The following NTM variants were observed in gnomAD, a reference collection of about 807,000 sequenced individuals.
NTM encodes the protein neurotrimin, also known as IgLON family member 2.
Under a neutral mutation model 42.1 loss-of-function variants are expected in NTM, and 13 were observed. The observed-to-expected ratio is 0.31, with a 90% CI of 0.20 to 0.49. The LOEUF (loss-of-function observed/expected upper bound fraction) is 0.49. Among genes scored for constraint, NTM ranks in the 20% least tolerant of loss-of-function variants. NTM has a pLI of 0.99. For missense variants in NTM, 373 were observed against 452.8 expected (o/e 0.82, Z 1.60); for synonymous variants, 187 against 179.2 (o/e 1.04, Z -0.35).
intron 4 of NTM, among the ~76,000 whole-genome samples, chr11:132,265,697 T>A (rs181304497): frequency 1.2e-4 from 18 of 152,332 alleles, no homozygotes; most frequent in African/African-American, 4.3e-4. Context: ...GTGATGGTGA[T>A]GATGACACCA....
At position 131,763,709 on chromosome 11, in the gene NTM, C is replaced by T. The variant is rs974403429; in HGVS notation, c.83-147855C>T. On this transcript the variant is annotated intron_variant, in intron 1 of 8. Coordinates refer to ENST00000683400, the MANE Select transcript of NTM (RefSeq NM_001352005.2). ...CTTATCCACAGGCCCATCTCTCTCT[C>T]TTTTTTTTTTTTTTTTTTTTTTTTT... Among the ~76,000 whole-genome samples the T allele has an allele frequency of 9.0e-3, 640 of 71,186 alleles. 27 individuals are homozygous for T. The highest frequency in any genetic ancestry group is 0.029 in the African/African-American group (509 of 17,760). The allele number at this position is 71,186 out of a possible 152,430, so 46.7% of individuals were successfully genotyped here. A position where few individuals can be genotyped will look rare whatever the true frequency, so the allele number is the denominator to read the frequency against.
At chr11:132,231,958 C>A (rs1419143454) in intron 4 of NTM, among the ~76,000 whole-genome samples, 1 of 152,146 alleles carries the variant, frequency 6.6e-6, no homozygotes, top group African/African-American at 2.4e-5. Flanking sequence ...GGGAGGAGAC[C>A]CGTCTGCTGT....
At chr11:132,118,774 T>C (rs2064269703) in intron 2 of NTM, among the ~76,000 whole-genome samples, 1 of 152,202 alleles carries the variant, frequency 6.6e-6, no homozygotes, top group African/African-American at 2.4e-5. Context: ...CAGATTGGTA[T>C]GCATTAGGCT....
intron 1 of NTM, among the ~76,000 whole-genome samples, chr11:131,564,445 G>GGA (rs1378401652): frequency 8.0e-6 from 1 of 125,718 alleles, no homozygotes; most frequent in East Asian, 2.8e-4. Flanking sequence ...GTGGGTAGGG[G>GGA]GAGAGAGAGA....
chr11:131,676,401 G>T (rs1182727718), intron 1 of NTM, among the ~76,000 whole-genome samples: 2 of 152,214 alleles, frequency 1.3e-5, no homozygotes, highest in Non-Finnish European at 2.9e-5. Context: ...GTGAAGGGCT[G>T]CGTTGGAGTT....
intron 1 of NTM, among the ~76,000 whole-genome samples, chr11:131,900,580 G>A (rs1441671346): frequency 6.6e-6 from 1 of 152,148 alleles, no homozygotes; most frequent in Non-Finnish European, 1.5e-5. Context: ...GGCAGTGGAG[G>A]TTGAGAAAGG....
At chr11:132,054,459 A>G (rs2079312229) in intron 2 of NTM, among the ~76,000 whole-genome samples, 2 of 152,358 alleles carry the variant, frequency 1.3e-5, no homozygotes, top group Admixed American at 6.5e-5. Context: ...AGTCCTATTC[A>G]GTGAAAATAG....
chr11:131,545,950 A>G (rs2053882431), intron 1 of NTM, among the ~76,000 whole-genome samples: 1 of 152,190 alleles, frequency 6.6e-6, no homozygotes, highest in Non-Finnish European at 1.5e-5. Flanking sequence ...GACTTTGTTC[A>G]TCAGAACCCA....
At chr11:132,122,505 T>C (rs7944414) in intron 2 of NTM, among the ~76,000 whole-genome samples, 20,968 of 152,196 alleles carry the variant, frequency 0.14, 1,519 homozygotes, top group Middle Eastern at 0.18. Flanking sequence ...GTGAGTTTTT[T>C]AAGGATGCCT....
intron 2 of NTM, among the ~76,000 whole-genome samples, chr11:132,015,982 C>T (rs1057170161): frequency 1.3e-5 from 2 of 151,840 alleles, no homozygotes; most frequent in Non-Finnish European, 1.5e-5. Flanking sequence ...AAGTGGGTAT[C>T]CTAGTCTTGT....
intron 1 of NTM, among the ~76,000 whole-genome samples, chr11:131,882,598 G>T (rs1363256217): frequency 6.6e-6 from 1 of 152,190 alleles, no homozygotes; most frequent in Non-Finnish European, 1.5e-5. Context: ...GCTAAATACT[G>T]CTCTCTTTAC....
chr11:131,744,282 G>A (rs1051375135), intron 1 of NTM, among the ~76,000 whole-genome samples: 19 of 152,038 alleles, frequency 1.2e-4, no homozygotes, highest in African/African-American at 4.6e-4. Flanking sequence ...ACATCTAAAG[G>A]GACTGAATAA....
rs1300535037 is a variant in NTM at position 131,508,104 on chromosome 11, C to A, written c.82+137216C>A. On this transcript the variant is annotated intron_variant, in intron 1 of 8. Transcript: ENST00000683400. ...ACCATCAGAGTGAACAGGCAACCTACAAAATGGGAGAAAATTTTCGCAACC... is the reference window on the plus strand; with the variant it reads ...ACCATCAGAGTGAACAGGCAACCTAAAAAATGGGAGAAAATTTTCGCAACC... Among the ~76,000 whole-genome samples the A allele has an allele frequency of 4.8e-5, 7 of 147,204 alleles. 1 individual carries two copies. Among genetic ancestry groups the A allele is most frequent in the Admixed American group, 2.7e-4 (4 of 14,682 alleles).
In NTM at chr11:132,335,879, G is replaced by A. The variant is rs1317344987; in HGVS notation, c.*733G>A. 1 of 152,536 alleles carries A rather than the reference G, an allele frequency of 6.6e-6. No homozygotes were observed. The highest frequency in any genetic ancestry group is 1.5e-5 in the Non-Finnish European group (1 of 68,042). The allele number at this position is 152,536 out of a possible 1,614,324, so 9.4% of individuals were successfully genotyped here. On this transcript the variant is annotated 3_prime_UTR_variant, in exon 9 of 9. Transcript: ENST00000683400. ...AACTAAAAAAATACAACTGAGAAGGGTGAAGAGAAGTATGTTTGTTAAACA... is the reference window on the plus strand; with the variant it reads ...AACTAAAAAAATACAACTGAGAAGGATGAAGAGAAGTATGTTTGTTAAACA...
intron 2 of NTM, among the ~76,000 whole-genome samples, chr11:131,935,757 A>G (rs1015421216): frequency 2.6e-5 from 4 of 152,166 alleles, no homozygotes; most frequent in African/African-American, 9.7e-5. Context: ...TAGTCTCCTT[A>G]CCTGTAGAAT....
intron 1 of NTM, among the ~76,000 whole-genome samples, chr11:131,481,899 C>T (rs748561949): frequency 4.6e-5 from 7 of 152,176 alleles, no homozygotes; most frequent in Non-Finnish European, 5.9e-5. Flanking sequence ...ATGTTAAGTT[C>T]CCACTAGTCC....
chr11:131,511,869 CA>C (rs2048296606), intron 1 of NTM, among the ~76,000 whole-genome samples: 1 of 152,208 alleles, frequency 6.6e-6, no homozygotes, highest in African/African-American at 2.4e-5. Context: ...ATCTCTGTGT[CA>C]GAGGGCGACC....
At chr11:132,323,413 C>G (rs2095612662) in intron 7 of NTM, among the ~76,000 whole-genome samples, 2 of 151,664 alleles carry the variant, frequency 1.3e-5, no homozygotes, top group South Asian at 2.1e-4. Context: ...TGCAAATAAA[C>G]TAGAAAATCT....
chr11:131,918,047 C>A (rs2056670104), intron 2 of NTM, among the ~76,000 whole-genome samples: 2 of 152,202 alleles, frequency 1.3e-5, no homozygotes, highest in South Asian at 4.2e-4. Context: ...CTTTCTCCCT[C>A]TTTTAAATGC....
Sources: allele counts gnomAD v4.1 joint callset (sites outside exome capture counted in the v4.1 genomes callset), GRCh38; gene constraint gnomAD v4.1.1; transcripts MANE v1.5; gene names NCBI Gene and HGNC (gene_info 2026-07-23, HGNC 2026-07-21).